Variants in PRPSAP1 observed in about 807,000 individuals in gnomAD.
PRPSAP1 encodes phosphoribosyl pyrophosphate synthetase associated protein 1.
In PRPSAP1, 31 loss-of-function variants were observed where a neutral mutation model predicts 39.4. The observed-to-expected ratio is 0.79, with a 90% CI of 0.59 to 1.06. The LOEUF is 1.06. Ranked by LOEUF, PRPSAP1 falls within the 50% of genes least tolerant of loss-of-function variation. PRPSAP1 has a pLI of 0.00. For synonymous variants in PRPSAP1, 212 were observed against 192.6 expected, an observed-to-expected ratio of 1.10 and a Z score of -0.83; for missense variants, 430 against 511.6, an observed-to-expected ratio of 0.84 and a Z score of 1.54.
chr17:76,338,344 C>T (rs1009595096), intron 3 of PRPSAP1, among the ~76,000 whole-genome samples: 1 of 152,110 alleles, frequency 6.6e-6, no homozygotes, highest in African/African-American at 2.4e-5. Flanking sequence ...AGGCAATGCC[C>T]CCTTCCTCCC....
At chr17:76,346,070 C>T (rs1253015445) in intron 2 of PRPSAP1, 1 of 332,194 alleles carries the variant, frequency 3.0e-6, no homozygotes, top group Non-Finnish European at 5.8e-6. Context: ...GATGCCTGAA[C>T]ACACCAGGCA....
intron 4 of PRPSAP1, among the ~76,000 whole-genome samples, chr17:76,330,890 G>A (rs2071314652): frequency 6.6e-6 from 1 of 152,142 alleles, no homozygotes; most frequent in Admixed American, 6.5e-5. Flanking sequence ...AAGAAAGTGG[G>A]AATTATTGAC....
chr17:76,324,038 C>T (rs1035437815), intron 7 of PRPSAP1, among the ~76,000 whole-genome samples: 2 of 14,934 alleles, frequency 1.3e-4, no homozygotes, highest in African/African-American at 3.1e-4. Flanking sequence ...CCCAGCTACT[C>T]GGGAAGCTGA....
intron 4 of PRPSAP1, among the ~76,000 whole-genome samples, chr17:76,331,348 TAC>T (rs1265211815): frequency 6.6e-6 from 1 of 152,190 alleles, no homozygotes; most frequent in African/African-American, 2.4e-5. Flanking sequence ...GAAATTCACA[TAC>T]AGTTGACCAT....
chr17:76,348,160 A>AAAAT (rs374946298), intron 2 of PRPSAP1, among the ~76,000 whole-genome samples: 9,613 of 149,202 alleles, frequency 0.064, 344 homozygotes, highest in African/African-American at 0.09. Context: ...CATCTTAATA[A>AAAAT]AAATAAATAA....
Position 76,330,640 on chromosome 17 carries a change from G to C in PRPSAP1, c.490C>G (p.Leu164Val). 1 of 1,612,156 alleles carries C rather than the reference G, an allele frequency of 6.2e-7. No individual in the cohort carries two copies. The change falls in exon 5 of 10, where the codon CTT becomes GTT. Residue 164 changes from leucine to valine, a missense_variant. By Grantham distance (32) the Leu-to-Val change is conservative. This residue lies in a region of PRPSAP1 where 278 missense variants were observed against 376.3 expected (regional missense o/e 0.74). Coordinates refer to ENST00000446526, the MANE Select transcript of PRPSAP1 (RefSeq NM_002766.3). ...AAGCCTTGTATTTCCTTTTGATGAAGATCCATAGTGATAATGTGAGTTAAA... is the reference window on the plus strand; with the variant it reads ...AAGCCTTGTATTTCCTTTTGATGAACATCCATAGTGATAATGTGAGTTAAA... ...AGLTHIITMD[L>V]HQKEIQGFFS...
chr17:76,336,680 C>T (rs972462708), intron 3 of PRPSAP1, among the ~76,000 whole-genome samples: 1 of 138,924 alleles, frequency 7.2e-6, no homozygotes, highest in African/African-American at 2.7e-5. Flanking sequence ...TGTGGTGAGC[C>T]GAGATCATGC....
rs748595545 is a variant in PRPSAP1 at position 76,311,288 on chromosome 17, T to C, written c.*254A>G. The C allele has an allele frequency of 1.2e-4, 39 of 327,918 alleles. No individual in the cohort carries two copies. The highest frequency in any genetic ancestry group is 1.6e-4 in the Non-Finnish European group (30 of 182,194). The allele number at this position is 327,918 out of a possible 1,614,324, so 20.3% of individuals were successfully genotyped here. A position where few individuals can be genotyped will look rare whatever the true frequency, so the allele number is the denominator to read the frequency against. On this transcript the variant is annotated 3_prime_UTR_variant, in exon 10 of 10. Transcript: ENST00000446526. ...ATCAATAAGATTTTCAGATTATTTT[T>C]AAGAAAGCAGCTAGAACTTTTAAGG...
intron 2 of PRPSAP1, among the ~76,000 whole-genome samples, chr17:76,346,928 T>C (rs2071508164): frequency 6.6e-6 from 1 of 151,980 alleles, no homozygotes; most frequent in Non-Finnish European, 1.5e-5. Flanking sequence ...TGTCAGGAAC[T>C]GTACTGGGAA....
rs779339549 is a variant in PRPSAP1, at chr17:76,344,710, A to G, written c.251T>C (p.Val84Ala). ...GETRVEIKES[V>A]RGQDIFIIQT... is the part of the protein sequence containing the mutation. Reference sequence around the variant, plus strand: ...TATAATGAAAATATCTTGGCCACGAACAGATTCTTTTATTTCAACTCTTGT... The same window carrying G: ...TATAATGAAAATATCTTGGCCACGAGCAGATTCTTTTATTTCAACTCTTGT... Residue 84 changes from valine to alanine, a missense_variant, in exon 3 of 10, where the codon GTT (valine) becomes GCT (alanine). Around this residue, in one of 2 missense-constraint regions of PRPSAP1, gnomAD observed 152 missense variants for 135.2 expected, o/e 1.12. Transcript: ENST00000446526. The G allele has an allele frequency of 6.3e-7, 1 of 1,583,314 alleles. No individual in the cohort carries two copies. Among genetic ancestry groups the G allele is most frequent in the South Asian group, 1.1e-5 (1 of 88,266 alleles).
chr17:76,348,131 G>A (rs2071530019), intron 2 of PRPSAP1, among the ~76,000 whole-genome samples: 1 of 151,498 alleles, frequency 6.6e-6, no homozygotes, highest in Non-Finnish European at 1.5e-5. Context: ...AGACCAGCCT[G>A]GCCAACATAG....
intron 3 of PRPSAP1, among the ~76,000 whole-genome samples, chr17:76,342,461 C>G (rs919847595): frequency 9.9e-5 from 15 of 152,260 alleles, no homozygotes; most frequent in Non-Finnish European, 1.5e-4. Flanking sequence ...TGTCTGTAAT[C>G]CCAGCACTTT....
intron 7 of PRPSAP1, chr17:76,314,195 T>C: frequency 2.6e-6 from 1 of 386,868 alleles, no homozygotes; most frequent in Middle Eastern, 8.5e-4. Flanking sequence ...ATGTAACTGA[T>C]ATAAAAATGT....
chr17:76,347,961 C>G (rs1220830506), intron 2 of PRPSAP1, among the ~76,000 whole-genome samples: 6 of 152,150 alleles, frequency 3.9e-5, no homozygotes, highest in Non-Finnish European at 8.8e-5. Context: ...GCTAAAAAGA[C>G]TGGACCCCAG....
intron 7 of PRPSAP1, among the ~76,000 whole-genome samples, chr17:76,326,130 A>T (rs2071254614): frequency 6.6e-6 from 1 of 152,194 alleles, no homozygotes; most frequent in African/African-American, 2.4e-5. Context: ...GACGACAATG[A>T]ATTATAACCC....
chr17:76,313,031 G>C lies in PRPSAP1; in HGVS notation c.853-15C>G. ...ATAATGTCATCCTGGGAGGAGAACA[G>C]AGTGAGTTGGTAGGAAAGAAACACC... On this transcript the variant is annotated splice_polypyrimidine_tract_variant and intron_variant, in intron 8 of 9. Coordinates refer to ENST00000446526, the MANE Select transcript of PRPSAP1 (RefSeq NM_002766.3). 6.2e-7 allele frequency: 1 copy of C among 1,612,272 alleles called. No individual in the cohort carries two copies. Among genetic ancestry groups the C allele is most frequent in the Admixed American group, 1.7e-5 (1 of 59,652 alleles).
chr17:76,345,845 A>G (rs770252933), intron 2 of PRPSAP1: 2 of 397,148 alleles, frequency 5.0e-6, no homozygotes, highest in Non-Finnish European at 9.8e-6. Flanking sequence ...ACCATGCCCA[A>G]GAGAAAGGCT....
rs1182574090 is a variant in PRPSAP1, at chr17:76,353,734, C to G, written c.-31G>C. The G allele has an allele frequency of 2.1e-6, 3 of 1,433,112 alleles. No homozygotes were observed. Among genetic ancestry groups the G allele is most frequent in the East Asian group, 5.7e-5 (2 of 35,250 alleles). The allele number at this position is 1,433,112 out of a possible 1,614,324, so 88.8% of individuals were successfully genotyped here. A position where few individuals can be genotyped will look rare whatever the true frequency, so the allele number is the denominator to read the frequency against. ...GGCCCGCGGCGCGGTTACGACCGGC[C>G]CCGCGCGGGGCTGCACTCTGAGTGC... On this transcript the variant is annotated 5_prime_UTR_variant, in exon 1 of 10. Transcript: ENST00000446526.
intron 1 of PRPSAP1, among the ~76,000 whole-genome samples, chr17:76,348,906 G>A (rs754828216): frequency 1.3e-5 from 2 of 152,152 alleles, no homozygotes; most frequent in African/African-American, 4.8e-5. Flanking sequence ...ACACACACCA[G>A]AGATAAATGC....
Sources: allele counts gnomAD v4.1 joint callset (sites outside exome capture counted in the v4.1 genomes callset), GRCh38; gene constraint gnomAD v4.1.1; regional missense constraint gnomAD v4.1.1; transcripts MANE v1.5; gene names NCBI Gene and HGNC (gene_info 2026-07-23, HGNC 2026-07-21).